Variants in URGCP observed in about 807,000 individuals in gnomAD.
URGCP encodes upregulator of cell proliferation.
In URGCP, 13 loss-of-function variants were observed where a neutral mutation model predicts 24.6. The observed-to-expected ratio is 0.53, with a 90% CI of 0.34 to 0.84. The LOEUF (loss-of-function observed/expected upper bound fraction) is 0.84, where lower values mean the gene tolerates loss of function less well. URGCP is among the 40% of genes least tolerant of loss of function. URGCP has a pLI of 0.01. For missense variants in URGCP, 899 were observed against 1,194.3 expected (o/e 0.75, Z 3.64); for synonymous variants, 444 against 487.2 (o/e 0.91, Z 1.17).
intron 1 of URGCP, among the ~76,000 whole-genome samples, chr7:43,918,495 G>A (rs1041285146): frequency 1.3e-5 from 2 of 151,956 alleles, no homozygotes; most frequent in African/African-American, 4.8e-5. Flanking sequence ...TGGCCAGGCT[G>A]GTCTTGAACT....
upstream of URGCP, chr7:43,926,631 A>G (rs528069867): frequency 2.8e-6 from 4 of 1,447,388 alleles, no homozygotes; most frequent in East Asian, 8.4e-5. Context: ...GCTGCCGTGA[A>G]GTGAAAGGTG....
chr7:43,876,301 C>G lies in URGCP; in HGVS notation c.*366G>C, dbSNP rs1585781237. ...CTTCCCCACCTCTGTCCTGGGACCACCTGCCCGCCTGGGCCTGCAGTGACT... is the reference window on the plus strand; with the variant it reads ...CTTCCCCACCTCTGTCCTGGGACCAGCTGCCCGCCTGGGCCTGCAGTGACT... On this transcript the variant is annotated 3_prime_UTR_variant, in exon 6 of 6. Coordinates refer to ENST00000453200, the MANE Select transcript of URGCP (RefSeq NM_001077663.3). 4.5e-6 allele frequency: 1 copy of G among 223,968 alleles called. No homozygotes were observed. Among genetic ancestry groups the G allele is most frequent in the East Asian group, 1.1e-4 (1 of 8,926 alleles). 13.9% of individuals were successfully genotyped at this position (223,968 alleles called of 1,614,324 possible).
intron 1 of URGCP, 22 bp from the exon 2 acceptor site, chr7:43,887,838 A>G (rs1183328403): frequency 6.8e-7 from 1 of 1,475,102 alleles, no homozygotes; most frequent in Admixed American, 2.0e-5. Flanking sequence ...ATTAAGATTT[A>G]GTTACAAAGA....
At chr7:43,926,580 C>G (rs751298381), upstream of URGCP, 2 of 1,562,662 alleles carry the variant, frequency 1.3e-6, no homozygotes, top group South Asian at 2.3e-5. Context: ...CACCCTCCAA[C>G]TCTTTGGGTG....
At position 43,878,940 on chromosome 7, in the gene URGCP, G is replaced by A. The variant is rs775663740; in HGVS notation, c.523C>T (p.Pro175Ser). ...GGGTTCACTGGCGTATCAGGGGTGG[G>A]CAGCTCAGAAAAGGAATAAATGTCG... The part of the protein sequence containing the change: ...AADIYSFSEL[P>S]TPDTPVNPLD... Residue 175 changes from proline to serine, a missense_variant, in exon 6 of 6, where the codon CCC becomes TCC. By Grantham distance (74) the Pro-to-Ser change is moderately conservative. Coordinates refer to ENST00000453200, the MANE Select transcript of URGCP (RefSeq NM_001077663.3). The surrounding 1 kb of genome is among the most constrained non-coding windows in gnomAD (Gnocchi z 5.6). 5.6e-6 allele frequency: 9 copies of A among 1,614,232 alleles called. No homozygotes were observed. The highest frequency in any genetic ancestry group is 2.7e-5 in the African/African-American group (2 of 75,058).
rs750583807 is a variant in URGCP, at chr7:43,887,820, A to G, written c.15-4T>C. ...GCCCAGTAATTCCACTTCTATCCTAAGGAAATAATTAAGATTTAGTTACAA... is the reference window on the plus strand; with the variant it reads ...GCCCAGTAATTCCACTTCTATCCTAGGGAAATAATTAAGATTTAGTTACAA... On this transcript the variant is annotated splice_polypyrimidine_tract_variant and splice_region_variant and intron_variant, in intron 1 of 5. Transcript: ENST00000453200. 6.6e-7 allele frequency: 1 copy of G among 1,515,204 alleles called. No individual in the cohort carries two copies. Among genetic ancestry groups the G allele is most frequent in the South Asian group, 1.2e-5 (1 of 82,244 alleles). 93.9% of individuals were successfully genotyped at this position (1,515,204 alleles called of 1,614,324 possible). A position where few individuals can be genotyped will look rare whatever the true frequency, so the allele number is the denominator to read the frequency against.
At chr7:43,917,493 G>A (rs1300129207) in intron 1 of URGCP, among the ~76,000 whole-genome samples, 1 of 152,198 alleles carries the variant, frequency 6.6e-6, no homozygotes, top group Non-Finnish European at 1.5e-5. Flanking sequence ...GTAACCACAT[G>A]GCAGTGCTTT....
intron 1 of URGCP, among the ~76,000 whole-genome samples, chr7:43,900,259 A>C (rs2095887676): frequency 6.6e-6 from 1 of 151,900 alleles, no homozygotes; most frequent in African/African-American, 2.4e-5. Flanking sequence ...GTTCGAGACC[A>C]ACCTGGGCAA....
intron 1 of URGCP, chr7:43,888,477 G>A (rs1051600593): frequency 2.7e-5 from 4 of 150,756 alleles, no homozygotes; most frequent in African/African-American, 9.8e-5. Flanking sequence ...CTCCAGCCTG[G>A]GTGACAAGAA....
upstream of URGCP, chr7:43,926,564 CT>C: frequency 6.4e-7 from 1 of 1,569,666 alleles, no homozygotes; most frequent in Admixed American, 1.9e-5. Context: ...AAGGTACGCA[CT>C]TTCCCACCCT....
At chr7:43,884,264 G>T (rs1351123005) in intron 3 of URGCP, among the ~76,000 whole-genome samples, 1 of 152,196 alleles carries the variant, frequency 6.6e-6, no homozygotes, top group Non-Finnish European at 1.5e-5. Context: ...CAGATTGTGG[G>T]GCAGGTGGAA....
chr7:43,883,351 TA>T (rs1472943382), intron 3 of URGCP, among the ~76,000 whole-genome samples: 2 of 99,732 alleles, frequency 2.0e-5, no homozygotes, highest in East Asian at 2.2e-4. Flanking sequence ...TATATATATA[TA>T]TATATATATA....
At position 43,877,300 on chromosome 7, in the gene URGCP, C is replaced by G. The variant is rs1348678561; in HGVS notation, c.2163G>C (p.Lys721Asn). ...TGAAGGCCCCTCGAGGACCGCAGCT[C>G]TTCCCTGTGGCAAACCGCAGCCCAA... ...TMFGLRFATG[K>N]SCGPRGAFMQ... The change falls in exon 6 of 6, where the codon AAG (lysine) becomes AAC (asparagine). Residue 721 changes from lysine to asparagine, a missense_variant. Coordinates refer to ENST00000453200, the MANE Select transcript of URGCP (RefSeq NM_001077663.3). 6.2e-7 allele frequency: 1 copy of G among 1,613,520 alleles called. No individual in the cohort carries two copies. Among genetic ancestry groups the G allele is most frequent in the East Asian group, 2.2e-5 (1 of 44,884 alleles).
At chr7:43,880,683 C>T (rs1424847989) in intron 5 of URGCP, among the ~76,000 whole-genome samples, 1 of 152,212 alleles carries the variant, frequency 6.6e-6, no homozygotes, top group Non-Finnish European at 1.5e-5. Context: ...AAATGATCTG[C>T]CTGCCTCAGC....
intron 1 of URGCP, among the ~76,000 whole-genome samples, chr7:43,904,390 A>G (rs1178705818): frequency 1.3e-5 from 2 of 152,186 alleles, no homozygotes; most frequent in Admixed American, 1.3e-4. Flanking sequence ...TTGTCACTTA[A>G]TAAAAACATC....
rs1452339846 is a variant in URGCP, at chr7:43,878,735, G to A, written c.728C>T (p.Pro243Leu). ...CCGGAAGCTCCCCATGCCCCTTGGG[G>A]GCTGGGACCACCATGTCCTCACAAT... ...RGIVRTWWSQPPRGMGSFRED... is the reference protein window; with the variant it reads ...RGIVRTWWSQLPRGMGSFRED... The change falls in exon 6 of 6, where the codon CCC (proline) becomes CTC (leucine). Residue 243 changes from proline (P) to leucine (L), a missense_variant. Pro to Leu is a moderately conservative substitution (Grantham distance 98). Coordinates refer to ENST00000453200, the MANE Select transcript of URGCP (RefSeq NM_001077663.3). The surrounding 1 kb of genome is among the most constrained non-coding windows in gnomAD (Gnocchi z 5.6). 1.2e-6 allele frequency: 2 copies of A among 1,614,156 alleles called. No homozygotes were observed. The highest frequency in any genetic ancestry group is 1.7e-5 in the Admixed American group (1 of 60,028).
At chr7:43,895,063 T>C (rs1169723302) in intron 1 of URGCP, among the ~76,000 whole-genome samples, 1 of 151,920 alleles carries the variant, frequency 6.6e-6, no homozygotes, top group Non-Finnish European at 1.5e-5. Flanking sequence ...ACAAAGGGAC[T>C]ATGTCAAACT....
intron 3 of URGCP, among the ~76,000 whole-genome samples, chr7:43,883,208 G>A (rs2095856533): frequency 9.9e-5 from 15 of 151,310 alleles, no homozygotes; most frequent in Admixed American, 9.9e-4. Context: ...CAATATAAAG[G>A]AGCGAACAGG....
intron 1 of URGCP, chr7:43,919,107 T>G (rs1052423314): frequency 4.9e-5 from 43 of 885,710 alleles, no homozygotes; most frequent in Admixed American, 4.2e-4. Flanking sequence ...CTTTGTGCTG[T>G]GTCAGTTCAT....
Sources: gnomAD v4.1 joint callset for allele counts (sites outside exome capture counted in the v4.1 genomes callset) on GRCh38, gnomAD v4.1.1 for gene constraint, Gnocchi (gnomAD v3.1) non-coding constraint, MANE v1.5 for transcripts, NCBI Gene and HGNC (gene_info 2026-07-23, HGNC 2026-07-21) for gene names.